PAPPA2: variants seen among roughly 807,000 people sequenced by gnomAD.
PAPPA2 encodes the protein pappalysin 2, also known as pappalysin-2.
A neutral mutation model predicts 176.4 loss-of-function variants in PAPPA2; 86 were observed. The observed-to-expected ratio is 0.49, with a 90% CI of 0.41 to 0.58. The LOEUF (loss-of-function observed/expected upper bound fraction) is 0.58. PAPPA2 is among the 20% of genes least tolerant of loss of function. The pLI, the probability that PAPPA2 is intolerant of heterozygous loss-of-function variation, is 0.00. For missense variants in PAPPA2, 2,073 were observed against 2,256.9 expected (o/e 0.92, Z 1.65); for synonymous variants, 809 against 852.2 (o/e 0.95, Z 0.88).
intron 3 of PAPPA2, among the ~76,000 whole-genome samples, chr1:176,628,954 A>G (rs934488055): frequency 1.3e-5 from 2 of 152,210 alleles, no homozygotes; most frequent in African/African-American, 4.8e-5. Flanking sequence ...TATGCTACCC[A>G]TGAAACTTAA....
At chr1:176,496,248 T>G (rs1447130591) in intron 1 of PAPPA2, among the ~76,000 whole-genome samples, 1 of 152,230 alleles carries the variant, frequency 6.6e-6, no homozygotes, top group Admixed American at 6.5e-5. Context: ...GTTTTTAATA[T>G]GGGTAGTAGC....
In PAPPA2 at chr1:176,739,961, C is replaced by T; in HGVS notation, c.3935-19C>T. On this transcript the variant is annotated intron_variant, in intron 13 of 22. Coordinates refer to ENST00000367662, the MANE Select transcript of PAPPA2 (RefSeq NM_020318.3). ...ACTAACAATGGCTGAAAATATGATTCATCTCCGTTTATCTTCAGGAACCTA... is the reference window on the plus strand; with the variant it reads ...ACTAACAATGGCTGAAAATATGATTTATCTCCGTTTATCTTCAGGAACCTA... The T allele has an allele frequency of 1.2e-6, 2 of 1,609,646 alleles. No homozygotes were observed. The highest frequency in any genetic ancestry group is 1.1e-5 in the South Asian group (1 of 90,956).
At chr1:176,473,918 A>T (rs1652000775) in intron 1 of PAPPA2, among the ~76,000 whole-genome samples, 1 of 152,112 alleles carries the variant, frequency 6.6e-6, no homozygotes. Context: ...CATACTTAGG[A>T]TCAGAGTGGT....
At chr1:176,609,474 T>G (rs771224878) in intron 3 of PAPPA2, among the ~76,000 whole-genome samples, 1 of 152,054 alleles carries the variant, frequency 6.6e-6, no homozygotes, top group Non-Finnish European at 1.5e-5. Context: ...AAACAGAGAG[T>G]ACTTGCCATG....
In PAPPA2 at chr1:176,714,582, C is replaced by T. The variant is rs76999132; in HGVS notation, c.3798+2601C>T. 3.3e-3 allele frequency among the ~76,000 whole-genome samples: 507 copies of T among 152,240 alleles called. 3 individuals are homozygous for T. The highest frequency in any genetic ancestry group is 0.011 in the African/African-American group (449 of 41,536). On this transcript the variant is annotated intron_variant, in intron 12 of 22. Coordinates refer to ENST00000367662, the MANE Select transcript of PAPPA2 (RefSeq NM_020318.3). ...TCACAGGCACCATAACCTACATCTG[C>T]GGAAGAAGCCATGACCTACCTCTGT...
At chr1:176,609,258 A>G (rs896153019) in intron 3 of PAPPA2, among the ~76,000 whole-genome samples, 2 of 152,372 alleles carry the variant, frequency 1.3e-5, no homozygotes, top group East Asian at 1.9e-4. Flanking sequence ...TTCATATTCA[A>G]CAAATGTTAA....
chr1:176,730,017 C>T lies in PAPPA2; in HGVS notation c.3799-9609C>T, dbSNP rs1369969106. 2.6e-5 allele frequency among the ~76,000 whole-genome samples: 4 copies of T among 151,752 alleles called. No homozygotes were observed. The East Asian group carries it at 5.8e-4, about 22-fold the overall frequency. On this transcript the variant is annotated intron_variant, in intron 12 of 22. Transcript: ENST00000367662. ...TGCCTTCGTGAAGCAAGACTACATA[C>T]TTATTGTATATTTTAAACGTATTGT...
rs941246185 is a variant in PAPPA2, at chr1:176,659,739, G to A, written c.1992-11231G>A. On this transcript the variant is annotated intron_variant, in intron 3 of 22. Coordinates refer to ENST00000367662, the MANE Select transcript of PAPPA2 (RefSeq NM_020318.3). ...TGTAACAATTTATAATTTGAAGGAT[G>A]GTTCAATTTGGTATTCTGCTTAATA... Among the ~76,000 whole-genome samples the A allele has an allele frequency of 1.1e-4, 17 of 152,154 alleles. 1 individual carries two copies. The highest frequency in any genetic ancestry group is 9.8e-4 in the Admixed American group (15 of 15,268).
At chr1:176,489,329 C>G (rs1024182286) in intron 1 of PAPPA2, among the ~76,000 whole-genome samples, 1 of 152,178 alleles carries the variant, frequency 6.6e-6, no homozygotes, top group Admixed American at 6.5e-5. Flanking sequence ...CCTCCCCACT[C>G]TAATGTATGG....
At chr1:176,801,477 A>G (rs1665682224) in intron 21 of PAPPA2, among the ~76,000 whole-genome samples, 2 of 152,088 alleles carry the variant, frequency 1.3e-5, no homozygotes, top group African/African-American at 4.8e-5. Context: ...ATACCAATAA[A>G]ACAGCACTCT....
At chr1:176,551,807 G>A (rs530490120) in intron 1 of PAPPA2, among the ~76,000 whole-genome samples, 3 of 152,120 alleles carry the variant, frequency 2.0e-5, no homozygotes, top group Non-Finnish European at 4.4e-5. Context: ...GGGCTGTGAA[G>A]AATGGGTTTC....
intron 22 of PAPPA2, among the ~76,000 whole-genome samples, chr1:176,841,747 A>C (rs890299916): frequency 5.3e-5 from 8 of 152,262 alleles, no homozygotes; most frequent in Non-Finnish European, 4.4e-5. Flanking sequence ...GGGTGGGTAG[A>C]TGCATTATTC....
chr1:176,606,915 G>C (rs1279704929), intron 3 of PAPPA2, among the ~76,000 whole-genome samples: 1 of 152,126 alleles, frequency 6.6e-6, no homozygotes, highest in Non-Finnish European at 1.5e-5. Context: ...AGAAAAGTGA[G>C]GAAGAAAACT....
intron 12 of PAPPA2, among the ~76,000 whole-genome samples, chr1:176,716,413 T>C (rs1203881607): frequency 6.8e-6 from 1 of 146,932 alleles, no homozygotes; most frequent in East Asian, 2.1e-4. Context: ...GCCCGGCTAA[T>C]TTTTGTATTT....
chr1:176,647,845 C>A (rs1035860171), intron 3 of PAPPA2, among the ~76,000 whole-genome samples: 18 of 151,602 alleles, frequency 1.2e-4, no homozygotes, highest in African/African-American at 4.1e-4. Context: ...GCTGCTATAA[C>A]TTTGTAGTGT....
intron 17 of PAPPA2, among the ~76,000 whole-genome samples, chr1:176,782,620 A>G (rs1471184014): frequency 6.6e-6 from 1 of 152,166 alleles, no homozygotes; most frequent in Non-Finnish European, 1.5e-5. Context: ...TTGGGATTCT[A>G]AGTCCAGTGT....
chr1:176,818,614 TG>T (rs1274293687), intron 21 of PAPPA2, among the ~76,000 whole-genome samples: 5 of 21,428 alleles, frequency 2.3e-4, no homozygotes, highest in Admixed American at 1.1e-3. Flanking sequence ...ACTGCCCCCC[TG>T]GTATGAGCCA....
In PAPPA2 at chr1:176,557,083, T is replaced by A. The variant is rs563707973; in HGVS notation, c.761T>A (p.Phe254Tyr). 2.0e-4 allele frequency: 324 copies of A among 1,613,254 alleles called. 2 individuals are homozygous for A. In the South Asian group the frequency reaches 3.4e-3, roughly 17 times the overall value. ...GGCTCCTACCGAGAAGCAGAGACCT[T>A]TAACTCCCAAGTAGGACTGCCCATC... ...GEGSYREAET[F>Y]NSQVGLPILY... is the part of the protein sequence containing the mutation. Residue 254 changes from phenylalanine (F) to tyrosine (Y), a missense_variant, in exon 2 of 23, where the codon TTT becomes TAT. By Grantham distance (22) the Phe-to-Tyr change is conservative (BLOSUM62 3). Transcript: ENST00000367662.
rs1454579711 is a variant in PAPPA2, at chr1:176,830,184, C to T, written c.5203-9989C>T. ...AAGGGTTTGAGACCAGCCTGGACAA[C>T]ATAGCCAGACCCCATCTCTTAAAAA... On this transcript the variant is annotated intron_variant, in intron 21 of 22. Coordinates refer to ENST00000367662, the MANE Select transcript of PAPPA2 (RefSeq NM_020318.3). Among the ~76,000 whole-genome samples, 3 of 152,276 alleles carry T rather than the reference C, an allele frequency of 2.0e-5. No homozygotes were observed. In the East Asian group the frequency reaches 5.8e-4, roughly 29 times the overall value.
Sources: allele counts gnomAD v4.1 joint callset (sites outside exome capture counted in the v4.1 genomes callset), GRCh38; gene constraint gnomAD v4.1.1; transcripts MANE v1.5; gene names NCBI Gene and HGNC (gene_info 2026-07-23, HGNC 2026-07-21).